Variants in SEPTIN4 observed in about 807,000 individuals in gnomAD.
The protein encoded by SEPTIN4 is septin-4.
In SEPTIN4, 52 loss-of-function variants were observed where a neutral mutation model predicts 107.1. That is an observed-to-expected ratio of 0.49 (90% confidence interval 0.39 to 0.61). SEPTIN4 has a LOEUF of 0.61. Among genes scored for constraint, SEPTIN4 ranks in the 20% least tolerant of loss-of-function variants. SEPTIN4 has a pLI of 0.00. For synonymous variants in SEPTIN4, 417 were observed against 467.0 expected, an observed-to-expected ratio of 0.89 and a Z score of 1.38; for missense variants, 1,048 against 1,243.5, an observed-to-expected ratio of 0.84 and a Z score of 2.36.
At chr17:58,530,128 C>T (rs1598300706) in intron 3 of SEPTIN4, 1 of 152,324 alleles carries the variant, frequency 6.6e-6, no homozygotes, top group Middle Eastern at 3.4e-3. Flanking sequence ...AACTAGGGGT[C>T]AGGGGTCCAC....
Position 58,520,347 on chromosome 17 carries a change from G to T in SEPTIN4, c.*79C>A. On this transcript the variant is annotated 3_prime_UTR_variant, in exon 14 of 14. Coordinates refer to ENST00000672673, the MANE Select transcript of SEPTIN4 (RefSeq NM_001368771.2). ...GAAGTGGCAGTAGCTGAAGGGGCCT[G>T]AGCAGAGCTGGTGCTGGGAGGGGCC... is the stretch of plus-strand genomic sequence containing the variant. 7.2e-7 allele frequency: 1 copy of T among 1,383,078 alleles called. No homozygotes were observed. 85.7% of individuals were successfully genotyped at this position (1,383,078 alleles called of 1,614,324 possible).
At position 58,544,014 on chromosome 17, in the gene SEPTIN4, G is replaced by A. The variant is rs1349317858; in HGVS notation, c.173C>T (p.Pro58Leu). 3.7e-6 allele frequency: 6 copies of A among 1,614,068 alleles called. No homozygotes were observed. Among genetic ancestry groups the A allele is most frequent in the Admixed American group, 1.7e-5 (1 of 60,016 alleles). The stretch of plus-strand genomic sequence containing the variant: ...GTCTGATGCTGAATGGGGAGTGGTG[G>A]GATGTGCAGCTTCTGATCTTCGGTG... ...PSHRRSEAAH[P>L]TTPHSASDYP... Residue 58 changes from proline to leucine, a missense_variant, in exon 1 of 14, where the codon CCC (proline) becomes CTC (leucine). Physicochemically the swap from Pro to Leu is moderately conservative, Grantham distance 98 (BLOSUM62 -3). Transcript: ENST00000672673.
intron 3 of SEPTIN4, among the ~76,000 whole-genome samples, chr17:58,532,772 C>T (rs1399712369): frequency 6.6e-6 from 1 of 152,112 alleles, no homozygotes; most frequent in Non-Finnish European, 1.5e-5. Flanking sequence ...CCCAGCTGGG[C>T]CACTCTTCCT....
intron 13 of SEPTIN4, 47 bp from the exon 14 acceptor site, chr17:58,520,532 T>C: frequency 6.2e-7 from 1 of 1,607,666 alleles, no homozygotes; most frequent in Non-Finnish European, 8.5e-7. Flanking sequence ...GAGAGTCCTT[T>C]AGTATTGGGA....
At chr17:58,532,075 G>A (rs1167088580) in intron 3 of SEPTIN4, 4 of 1,097,528 alleles carry the variant, frequency 3.6e-6, no homozygotes, top group South Asian at 4.4e-5. Context: ...CCCCGAGTGC[G>A]GACCGCTGCG....
chr17:58,539,225 C>T (rs540864706), intron 3 of SEPTIN4: 39 of 1,480,692 alleles, frequency 2.6e-5, no homozygotes, highest in South Asian at 7.6e-5. Flanking sequence ...TTATCGAGAC[C>T]GGATAAGAGC....
Position 58,543,006 on chromosome 17 carries a change from G to A in SEPTIN4, c.1181C>T (p.Pro394Leu). The A allele has an allele frequency of 6.2e-7, 1 of 1,612,220 alleles. No individual in the cohort carries two copies. Among genetic ancestry groups the A allele is most frequent in the Non-Finnish European group, 8.5e-7 (1 of 1,179,240 alleles). ...YMSQGPTPRYPELSQKPSIHA... is the reference protein window; with the variant it reads ...YMSQGPTPRYLELSQKPSIHA... ...GATGGAGGGCTTTTGCGAGAGTTCT[G>A]GATACCTGGGTGTAGGTCCTTGGGA... is the stretch of plus-strand genomic sequence containing the variant. The change falls in exon 1 of 14, where the codon CCA becomes CTA. Residue 394 changes from proline (P) to leucine (L), a missense_variant. Pro to Leu is a moderately conservative substitution (Grantham distance 98, BLOSUM62 -3). Around this residue, in one of 2 missense-constraint regions of SEPTIN4, gnomAD observed 787 missense variants for 871.8 expected, o/e 0.90. Transcript: ENST00000672673.
intron 7 of SEPTIN4, 87 bp downstream of exon 7, chr17:58,524,991 G>A (rs992071153): frequency 3.2e-6 from 5 of 1,565,240 alleles, no homozygotes; most frequent in East Asian, 2.3e-5. Context: ...CTCCTGATAA[G>A]TATGGATATA....
Position 58,543,067 on chromosome 17 carries a change from G to A in SEPTIN4, c.1120C>T (p.Gln374Ter), listed in dbSNP as rs2043925632. The A allele has an allele frequency of 1.2e-6, 2 of 1,612,064 alleles. No individual in the cohort carries two copies. The highest frequency in any genetic ancestry group is 2.2e-5 in the South Asian group (2 of 90,762). The change falls in exon 1 of 14, where the codon CAG becomes TAG. Residue 374 changes from glutamine to a stop codon, truncating the protein, a stop_gained. Transcript: ENST00000672673. LOFTEE classifies it high-confidence loss of function. ...MFVTPEPIYK[Q>*]QTQKPPEITY... ...ATTTCTGGGGGTTTTTGGGTTTGCT[G>A]TTTATAGATGGGCTCTGGAGTAACA... is the stretch of plus-strand genomic sequence containing the variant.
At position 58,543,296 on chromosome 17, in the gene SEPTIN4, A is replaced by T; in HGVS notation, c.891T>A (p.His297Gln). Residue 297 changes from histidine to glutamine, a missense_variant, in exon 1 of 14, where the codon CAT becomes CAA. Physicochemically the swap from His to Gln is conservative, Grantham distance 24 (BLOSUM62 0). Around this residue, in one of 2 missense-constraint regions of SEPTIN4, gnomAD observed 787 missense variants for 871.8 expected, o/e 0.90. Coordinates refer to ENST00000672673, the MANE Select transcript of SEPTIN4 (RefSeq NM_001368771.2). Reference sequence around the variant, plus strand: ...TGGTTTCAGGATAGGCAGAATACTTATGAAGAGACTCAGGGTCTACCCGTG... The same window carrying T: ...TGGTTTCAGGATAGGCAGAATACTTTTGAAGAGACTCAGGGTCTACCCGTG... ...VSARVDPESL[H>Q]KYSAYPETKP... 6.2e-7 allele frequency: 1 copy of T among 1,614,224 alleles called. No individual in the cohort carries two copies.
intron 3 of SEPTIN4, chr17:58,531,942 GC>G: frequency 8.7e-7 from 1 of 1,144,392 alleles, no homozygotes; most frequent in Non-Finnish European, 1.1e-6. Flanking sequence ...GCGCCCGCCC[GC>G]CTGCCTGCCT....
chr17:58,520,740 C>T lies in SEPTIN4; in HGVS notation c.2931+3G>A. 2 of 1,614,134 alleles carry T rather than the reference C, an allele frequency of 1.2e-6. No individual in the cohort carries two copies. The highest frequency in any genetic ancestry group is 1.7e-6 in the Non-Finnish European group (2 of 1,180,036). ...CCTCCCCTATACCCCATACTGCTCTCACCTCCTCATCTTTCTCTCGGATAA... is the reference window on the plus strand; with the variant it reads ...CCTCCCCTATACCCCATACTGCTCTTACCTCCTCATCTTTCTCTCGGATAA... On this transcript the variant is annotated splice_donor_region_variant and intron_variant, in intron 13 of 13. Transcript: ENST00000672673.
chr17:58,534,407 A>T (rs2043638950), intron 3 of SEPTIN4, among the ~76,000 whole-genome samples: 1 of 152,166 alleles, frequency 6.6e-6, no homozygotes, highest in African/African-American at 2.4e-5. Context: ...ACTGAAAGAG[A>T]AGACTGGACT....
rs1567947868 is a variant in SEPTIN4 at position 58,521,076 on chromosome 17, CGT to C, written c.2751_2752del (p.Arg918GlyfsTer5). On this transcript the variant is annotated frameshift_variant, in exon 12 of 14. Transcript: ENST00000672673. LOFTEE classifies it high-confidence loss of function. This position sits in a 1 kb window ranked among gnomAD's most constrained non-coding sequence, Gnocchi z 6.4. ...CCGGTAGTTCTCATAATGTGTCTCC[CGT>C]GTCACATCCTTCAGGTCCTGCATGT... is the stretch of plus-strand genomic sequence containing the variant. 6.2e-7 allele frequency: 1 copy of C among 1,614,022 alleles called. No individual in the cohort carries two copies. The highest frequency in any genetic ancestry group is 1.1e-5 in the South Asian group (1 of 91,090).
In SEPTIN4 at chr17:58,541,696, T is replaced by G. The variant is rs2043879312; in HGVS notation, c.1606+226A>C. The stretch of plus-strand genomic sequence containing the variant: ...ATTCTCCATTCCAGAAGTAACTTCC[T>G]GTTAAAAGGAGACTCTTGAAAATGG... On this transcript the variant is annotated intron_variant, in intron 2 of 13. Transcript: ENST00000672673. 1.5e-5 allele frequency: 20 copies of G among 1,298,142 alleles called. No homozygotes were observed. The South Asian group carries it at 2.5e-4, about 16-fold the overall frequency. 80.4% of individuals were successfully genotyped at this position (1,298,142 alleles called of 1,614,324 possible).
Position 58,542,783 on chromosome 17 carries a change from AG to A in SEPTIN4, c.1403del (p.Pro468LeufsTer6). On this transcript the variant is annotated frameshift_variant, in exon 1 of 14. Coordinates refer to ENST00000672673, the MANE Select transcript of SEPTIN4 (RefSeq NM_001368771.2). LOFTEE classifies it high-confidence loss of function. The stretch of plus-strand genomic sequence containing the variant: ...TCTGGAACTTCAGATCCTCACAGAA[AG>A]GGCTAGAGTCTATTTTAAAACCGGA... ...LLSGFKIDSS[P>X]FCEDLKFQRE... 6.2e-7 allele frequency: 1 copy of A among 1,614,156 alleles called. No individual in the cohort carries two copies. The highest frequency in any genetic ancestry group is 8.5e-7 in the Non-Finnish European group (1 of 1,180,032).
chr17:58,540,753 G>C (rs758983132), intron 2 of SEPTIN4, 80 bp from the exon 3 acceptor site: 24 of 1,283,346 alleles, frequency 1.9e-5, no homozygotes, highest in Non-Finnish European at 2.3e-5. Context: ...AGGAGAAAAA[G>C]AGAAATTTAC....
rs183611920 is a variant in SEPTIN4, at chr17:58,525,047, G to A, written c.2216+31C>T. The A allele has an allele frequency of 2.9e-5, 46 of 1,613,804 alleles. No individual in the cohort carries two copies. In the African/African-American group the frequency reaches 5.6e-4, roughly 20 times the overall value. On this transcript the variant is annotated intron_variant, in intron 7 of 13. Coordinates refer to ENST00000672673, the MANE Select transcript of SEPTIN4 (RefSeq NM_001368771.2). ...TGTGTATGGAGAAGGGTGGCTCAGG[G>A]GCAGCTGGGATTGTGCTTACTCAGA...
Position 58,521,818 on chromosome 17 carries a change from A to T in SEPTIN4, c.2387T>A (p.Leu796Gln), listed in dbSNP as rs1398004224. ...RPLDVEFMKA[L>Q]HQRVNIVPIL... ...AGGCACGATGTTGACCCGCTGATGC[A>T]GGGCCTTCATGAATTCAACATCCAA... Residue 796 changes from leucine to glutamine, a missense_variant, in exon 9 of 14, where the codon CTG becomes CAG. Leu to Gln is a moderately radical substitution (Grantham distance 113). Around this residue, in one of 2 missense-constraint regions of SEPTIN4, gnomAD observed 261 missense variants for 371.7 expected, o/e 0.70. Transcript: ENST00000672673. This position sits in a 1 kb window ranked among gnomAD's most constrained non-coding sequence, Gnocchi z 6.4. The T allele has an allele frequency of 2.5e-6, 4 of 1,614,098 alleles. No individual in the cohort carries two copies. In the South Asian group the frequency reaches 4.4e-5, roughly 18 times the overall value.
Sources: gnomAD v4.1 joint callset for allele counts (sites outside exome capture counted in the v4.1 genomes callset) on GRCh38, gnomAD v4.1.1 for gene constraint, gnomAD v4.1.1 regional missense constraint, Gnocchi (gnomAD v3.1) non-coding constraint, MANE v1.5 for transcripts, NCBI Gene and HGNC (gene_info 2026-07-23, HGNC 2026-07-21) for gene names.